Variants in ARHGEF39 observed in about 807,000 individuals in gnomAD.
The protein encoded by ARHGEF39 is Rho guanine nucleotide exchange factor 39.
In ARHGEF39, 45 loss-of-function variants were observed where a neutral mutation model predicts 47.5. The ratio of observed to expected loss-of-function variants is 0.95; its 90% CI spans 0.75 to 1.22. ARHGEF39 has a LOEUF of 1.22. ARHGEF39 is among the 50% of genes most tolerant of loss of function. The probability of loss-of-function intolerance (pLI) is 0.00; values close to 1 mark genes in which losing one functional copy is unlikely to be tolerated. For missense variants in ARHGEF39, 411 were observed against 425.3 expected (o/e 0.97, Z 0.30); for synonymous variants, 164 against 167.8 (o/e 0.98, Z 0.17).
chr9:35,663,087 C>T lies in ARHGEF39; in HGVS notation c.545-13G>A, dbSNP rs768237924. On this transcript the variant is annotated splice_polypyrimidine_tract_variant and intron_variant, in intron 5 of 8. Transcript: ENST00000378387. ...AGTCGGGCAGCCCCTGGAATAACAT[C>T]TCCCACCTTACTCCCCATACAACTT... is the stretch of plus-strand genomic sequence containing the variant. The T allele has an allele frequency of 4.3e-6, 7 of 1,612,362 alleles. No individual in the cohort carries two copies. The highest frequency in any genetic ancestry group is 5.9e-6 in the Non-Finnish European group (7 of 1,178,788).
rs1216395610 is a variant in ARHGEF39, at chr9:35,664,807, G to C, written c.182C>G (p.Pro61Arg). The C allele has an allele frequency of 2.0e-5, 32 of 1,612,004 alleles. No individual in the cohort carries two copies. The highest frequency in any genetic ancestry group is 2.7e-5 in the Non-Finnish European group (32 of 1,180,024). Reference sequence around the variant, plus strand: ...GGAGCCAAACAGGGCCTGGCGCTCAGGTGGTCGCAGGGTCCCCTTGGCTTT... The same window carrying C: ...GGAGCCAAACAGGGCCTGGCGCTCACGTGGTCGCAGGGTCCCCTTGGCTTT... ...ILKAKGTLRP[P>R]ERQALFGSWE... Residue 61 changes from proline to arginine, a missense_variant, in exon 2 of 9, where the codon CCT (proline) becomes CGT (arginine). Transcript: ENST00000378387.
At chr9:35,664,994 C>A in intron 1 of ARHGEF39, 38 bp downstream of exon 1, 1 of 1,521,236 alleles carries the variant, frequency 6.6e-7, no homozygotes, top group Middle Eastern at 1.7e-4. Context: ...ACCCTGGGGT[C>A]CCTGTCCTAT....
In ARHGEF39 at chr9:35,661,002, A is replaced by G; in HGVS notation, c.*985T>C. The G allele has an allele frequency of 6.2e-7, 1 of 1,613,142 alleles. No homozygotes were observed. The highest frequency in any genetic ancestry group is 8.5e-7 in the Non-Finnish European group (1 of 1,179,976). On this transcript the variant is annotated 3_prime_UTR_variant, in exon 9 of 9. Transcript: ENST00000378387. The stretch of plus-strand genomic sequence containing the variant: ...GGAGGACGAGGAGGAGATTGGTGAC[A>G]GTCAGGCCTGGGAGGAGCCCACAAA...
intron 5 of ARHGEF39, 75 bp downstream of exon 5, chr9:35,663,247 T>G (rs751379843): frequency 1.9e-6 from 3 of 1,573,280 alleles, no homozygotes; most frequent in Admixed American, 3.3e-5. Flanking sequence ...TACCAGACAT[T>G]GTTGGAGGTC....
rs1467762642 is a variant in ARHGEF39 at position 35,659,386 on chromosome 9, G to C, written c.*2601C>G. 6.6e-6 allele frequency: 1 copy of C among 152,234 alleles called. No homozygotes were observed. Among genetic ancestry groups the C allele is most frequent in the African/African-American group, 2.4e-5 (1 of 41,464 alleles). The allele number at this position is 152,234 out of a possible 1,614,324, so 9.4% of individuals were successfully genotyped here. A position where few individuals can be genotyped will look rare whatever the true frequency, so the allele number is the denominator to read the frequency against. ...TTAATGATGAACTTTGAGAAGGATA[G>C]ACTAGTAAATTCTGTTCTTGGACCT... On this transcript the variant is annotated 3_prime_UTR_variant, in exon 9 of 9. Transcript: ENST00000378387.
rs1328491923 is a variant in ARHGEF39, at chr9:35,664,248, A to G, written c.355-122T>C. ...TCCTGAGAGAAACTCTCGTTTCTCT[A>G]CAAGGAACTTACCACAGAGCTGAGC... On this transcript the variant is annotated intron_variant, in intron 3 of 8. Transcript: ENST00000378387. The G allele has an allele frequency of 4.6e-6, 7 of 1,513,712 alleles. No individual in the cohort carries two copies. The East Asian group carries it at 9.1e-5, about 20-fold the overall frequency. The allele number at this position is 1,513,712 out of a possible 1,614,324, so 93.8% of individuals were successfully genotyped here. A position where few individuals can be genotyped will look rare whatever the true frequency, so the allele number is the denominator to read the frequency against.
At chr9:35,662,291 G>A (rs780116952) in intron 7 of ARHGEF39, 24 bp from the exon 8 acceptor site, 58 of 1,598,700 alleles carry the variant, frequency 3.6e-5, no homozygotes, top group East Asian at 1.1e-4. Flanking sequence ...ACCTCTTAGC[G>A]CATGGCTCAG....
rs1274133896 is a variant in ARHGEF39 at position 35,661,277 on chromosome 9, GT to G, written c.*709del. The G allele has an allele frequency of 1.1e-6, 1 of 885,182 alleles. No individual in the cohort carries two copies. The allele number at this position is 885,182 out of a possible 1,614,324, so 54.8% of individuals were successfully genotyped here. A position where few individuals can be genotyped will look rare whatever the true frequency, so the allele number is the denominator to read the frequency against. On this transcript the variant is annotated 3_prime_UTR_variant, in exon 9 of 9. Coordinates refer to ENST00000378387, the MANE Select transcript of ARHGEF39 (RefSeq NM_032818.3). ...GACAACTGGGCCTTCTTGAAGAGCT[GT>G]CCTTATTAGGACAAAAAGAGGCTGC...
In ARHGEF39 at chr9:35,662,115, A is replaced by C; in HGVS notation, c.992+64T>G. On this transcript the variant is annotated intron_variant, in intron 8 of 8. Transcript: ENST00000378387. ...AGACCAATGTAGGGCATGAGACAGG[A>C]ACTGCATATTTCCTGCTTGTGGGCC... The C allele has an allele frequency of 2.5e-6, 4 of 1,599,370 alleles. No individual in the cohort carries two copies. The South Asian group carries it at 4.4e-5, about 18-fold the overall frequency.
chr9:35,663,311 C>G lies in ARHGEF39; in HGVS notation c.544+11G>C. 1 of 1,613,850 alleles carries G rather than the reference C, an allele frequency of 6.2e-7. No homozygotes were observed. The highest frequency in any genetic ancestry group is 8.5e-7 in the Non-Finnish European group (1 of 1,179,766). On this transcript the variant is annotated intron_variant, in intron 5 of 8. Coordinates refer to ENST00000378387, the MANE Select transcript of ARHGEF39 (RefSeq NM_032818.3). ...GCCTCCAGCCTGCGTTGCCGAGGAG[C>G]AAGAACCTACGTGTGAGCTGTTGAT... is the stretch of plus-strand genomic sequence containing the variant.
In ARHGEF39 at chr9:35,661,895, G is replaced by T; in HGVS notation, c.*92C>A. 1 of 1,406,958 alleles carries T rather than the reference G, an allele frequency of 7.1e-7. No individual in the cohort carries two copies. The highest frequency in any genetic ancestry group is 9.8e-7 in the Non-Finnish European group (1 of 1,023,672). 87.2% of individuals were successfully genotyped at this position (1,406,958 alleles called of 1,614,324 possible). A position where few individuals can be genotyped will look rare whatever the true frequency, so the allele number is the denominator to read the frequency against. On this transcript the variant is annotated 3_prime_UTR_variant, in exon 9 of 9. Transcript: ENST00000378387. ...AGTGACCTTTGTCAAATCATGAAGG[G>T]TTCTGTTTTGTTCAGTACTGAAGAT...
chr9:35,663,032 G>T lies in ARHGEF39; in HGVS notation c.587C>A (p.Thr196Asn). ...LISETAQRVH[T>N]IGQKQKNDQH... is the part of the protein sequence containing the mutation. ...GTCATTCTTCTGTTTCTGACCAATA[G>T]TATGGACTCTCTGGGCAGTCTCACT... The change falls in exon 6 of 9, where the codon ACT becomes AAT. Residue 196 changes from threonine (T) to asparagine (N), a missense_variant. Thr to Asn is a moderately conservative substitution (Grantham distance 65). Transcript: ENST00000378387. 6.2e-7 allele frequency: 1 copy of T among 1,611,924 alleles called. No homozygotes were observed. The highest frequency in any genetic ancestry group is 8.5e-7 in the Non-Finnish European group (1 of 1,178,216).
Position 35,664,656 on chromosome 9 carries a change from G to A in ARHGEF39, c.233+100C>T. 4 of 1,479,454 alleles carry A rather than the reference G, an allele frequency of 2.7e-6. No individual in the cohort carries two copies. In the South Asian group the frequency reaches 4.1e-5, roughly 15 times the overall value. 91.6% of individuals were successfully genotyped at this position (1,479,454 alleles called of 1,614,324 possible). On this transcript the variant is annotated intron_variant, in intron 2 of 8. Coordinates refer to ENST00000378387, the MANE Select transcript of ARHGEF39 (RefSeq NM_032818.3). ...GGCCAAGGCCACAGGTGAGCTAACT[G>A]GCGGACTCCAAATAGAACCTAAGTC...
At chr9:35,663,898 T>C in intron 4 of ARHGEF39, 110 bp downstream of exon 4, 1 of 1,189,674 alleles carries the variant, frequency 8.4e-7, no homozygotes. Context: ...GCAATTTGGC[T>C]CAGGGTCGAG....
At chr9:35,663,135 G>A in intron 5 of ARHGEF39, 61 bp from the exon 6 acceptor site, 2 of 1,606,156 alleles carry the variant, frequency 1.2e-6, no homozygotes, top group Non-Finnish European at 1.7e-6. Flanking sequence ...CCATGGTTGT[G>A]AAAGAGGTTA....
At position 35,660,628 on chromosome 9, in the gene ARHGEF39, C is replaced by G; in HGVS notation, c.*1359G>C. 1 of 1,614,210 alleles carries G rather than the reference C, an allele frequency of 6.2e-7. No individual in the cohort carries two copies. The highest frequency in any genetic ancestry group is 8.5e-7 in the Non-Finnish European group (1 of 1,180,032). Reference sequence around the variant, plus strand: ...GCACCTGAACAACCTGATGGCCCAGCTGGACCCCCTTTTTGAGCGGTGAGG... The same window carrying G: ...GCACCTGAACAACCTGATGGCCCAGGTGGACCCCCTTTTTGAGCGGTGAGG... On this transcript the variant is annotated 3_prime_UTR_variant, in exon 9 of 9. Transcript: ENST00000378387.
In ARHGEF39 at chr9:35,662,590, C is replaced by A; in HGVS notation, c.825G>T (p.Lys275Asn). ...HLLRSGTFAC[K>N]ALYPMAQCHL... ...GACACTGGGCCATGGGGTAGAGGGCCTTGCAGGCAAAGGTGCCACTCCGCA... is the reference window on the plus strand; with the variant it reads ...GACACTGGGCCATGGGGTAGAGGGCATTGCAGGCAAAGGTGCCACTCCGCA... The change falls in exon 7 of 9, where the codon AAG becomes AAT. Residue 275 changes from lysine to asparagine, a missense_variant. Lys to Asn is a moderately conservative substitution (Grantham distance 94). Transcript: ENST00000378387. The A allele has an allele frequency of 6.2e-7, 1 of 1,614,198 alleles. No homozygotes were observed. Among genetic ancestry groups the A allele is most frequent in the Non-Finnish European group, 8.5e-7 (1 of 1,180,046 alleles).
chr9:35,664,466 C>T lies in ARHGEF39; in HGVS notation c.260G>A (p.Gly87Glu). Residue 87 changes from glycine (G) to glutamate (E), a missense_variant, in exon 3 of 9, where the codon GGA becomes GAA. Physicochemically the swap from Gly to Glu is moderately conservative, Grantham distance 98. Coordinates refer to ENST00000378387, the MANE Select transcript of ARHGEF39 (RefSeq NM_032818.3). ...SQELLPYLEG[G>E]CWGQGLEGFC... is the part of the protein sequence containing the mutation. ...GCCCTCCAGCCCTTGGCCCCAGCAT[C>T]CTCCTTCCAGGTAGGGAAGCAGCTC... The T allele has an allele frequency of 6.2e-7, 1 of 1,610,750 alleles. No individual in the cohort carries two copies. The highest frequency in any genetic ancestry group is 8.5e-7 in the Non-Finnish European group (1 of 1,178,804).
At chr9:35,664,330 G>C (rs374645451) in intron 3 of ARHGEF39, 42 bp downstream of exon 3, 5 of 1,569,336 alleles carry the variant, frequency 3.2e-6, no homozygotes, top group Non-Finnish European at 4.3e-6. Context: ...CCAGATGAAG[G>C]GGAAAGGTAA....
Sources: allele counts gnomAD v4.1 joint callset, GRCh38; gene constraint gnomAD v4.1.1; transcripts MANE v1.5; gene names NCBI Gene and HGNC (gene_info 2026-07-23, HGNC 2026-07-21).